IFT172: variants seen among roughly 807,000 people sequenced by gnomAD.
The protein encoded by IFT172 is intraflagellar transport 172, also known as intraflagellar transport protein 172 homolog.
IFT172 carries 164 observed loss-of-function variants against 248.9 expected under a neutral mutation model. The ratio of observed to expected loss-of-function variants is 0.66; its 90% confidence interval spans 0.58 to 0.75. IFT172 has a LOEUF of 0.75. Among genes scored for constraint, IFT172 ranks in the 30% least tolerant of loss-of-function variants. The pLI is 0.00. For synonymous variants in IFT172, 729 were observed against 791.6 expected (o/e 0.92, Z 1.33); for missense variants, 1,950 against 2,192.4 (o/e 0.89, Z 2.21).
chr2:27,459,446 C>T lies in IFT172; in HGVS notation c.2719G>A (p.Asp907Asn). The change falls in exon 25 of 48, where the codon GAC becomes AAC. Residue 907 changes from aspartate (D) to asparagine (N), a missense_variant. Coordinates refer to ENST00000260570, the MANE Select transcript of IFT172 (RefSeq NM_015662.3). ...KKAIYILDLQ[D>N]RNTASKYYPL... The stretch of plus-strand genomic sequence containing the variant: ...TAGTATTTGGATGCAGTGTTCCGGT[C>T]CTGTAGATCTAATATATAAATTGCC... The T allele has an allele frequency of 6.2e-7, 1 of 1,614,170 alleles. No individual in the cohort carries two copies. Among genetic ancestry groups the T allele is most frequent in the Middle Eastern group, 1.6e-4 (1 of 6,062 alleles).
chr2:27,461,504 A>G lies in IFT172; in HGVS notation c.2207T>C (p.Leu736Pro). Reference sequence around the variant, plus strand: ...GTAGTAACTACGACGTAGCTTCTCCAGGGCTGGGTGCCCCTGGACATGCAC... The same window carrying G: ...GTAGTAACTACGACGTAGCTTCTCCGGGGCTGGGTGCCCCTGGACATGCAC... ...AVAEAKGHPA[L>P]EKLRRSYYQW... The change falls in exon 22 of 48, where the codon CTG becomes CCG. Residue 736 changes from leucine (L) to proline (P), a missense_variant. Transcript: ENST00000260570. 6.2e-7 allele frequency: 1 copy of G among 1,614,034 alleles called. No individual in the cohort carries two copies. Among genetic ancestry groups the G allele is most frequent in the Non-Finnish European group, 8.5e-7 (1 of 1,179,936 alleles).
Position 27,446,286 on chromosome 2 carries a change from A to T in IFT172, c.4729T>A (p.Phe1577Ile). The change falls in exon 43 of 48, where the codon TTC (phenylalanine) becomes ATC (isoleucine). Residue 1577 changes from phenylalanine to isoleucine, a missense_variant. By Grantham distance (21) the Phe-to-Ile change is conservative. Coordinates refer to ENST00000260570, the MANE Select transcript of IFT172 (RefSeq NM_015662.3). ...HTQLLPVDKA[F>I]YEAGIAAKAV... Reference sequence around the variant, plus strand: ...TTGGCAGCAATGCCTGCTTCATAGAAGGCTTTGTCTACAGGTAGTAGCTGG... The same window carrying T: ...TTGGCAGCAATGCCTGCTTCATAGATGGCTTTGTCTACAGGTAGTAGCTGG... 1 of 1,614,198 alleles carries T rather than the reference A, an allele frequency of 6.2e-7. No homozygotes were observed. The highest frequency in any genetic ancestry group is 8.5e-7 in the Non-Finnish European group (1 of 1,180,020).
intron 10 of IFT172, among the ~76,000 whole-genome samples, chr2:27,479,008 CTT>C (rs1233549158): frequency 1.3e-5 from 2 of 151,966 alleles, no homozygotes; most frequent in African/African-American, 4.8e-5. Context: ...GTGCTTAAAA[CTT>C]TTCTTTTTTT....
intron 8 of IFT172, 39 bp downstream of exon 8, chr2:27,481,007 G>C: frequency 6.6e-7 from 1 of 1,518,224 alleles, no homozygotes; most frequent in Admixed American, 1.7e-5. Flanking sequence ...GTGTTCGCAG[G>C]GAAAGTAGGC....
At position 27,483,951 on chromosome 2, in the gene IFT172, A is replaced by G; in HGVS notation, c.337-14T>C. On this transcript the variant is annotated splice_polypyrimidine_tract_variant and intron_variant, in intron 4 of 47. Transcript: ENST00000260570. ...AGTGACAGCACTCTGCGTGGAAGGAAACAATGAAAAGGATAACCCCATCTG... is the reference window on the plus strand; with the variant it reads ...AGTGACAGCACTCTGCGTGGAAGGAGACAATGAAAAGGATAACCCCATCTG... The G allele has an allele frequency of 6.2e-7, 1 of 1,612,142 alleles. No homozygotes were observed. Among genetic ancestry groups the G allele is most frequent in the Non-Finnish European group, 8.5e-7 (1 of 1,178,178 alleles).
intron 42 of IFT172, 113 bp from the exon 43 acceptor site, chr2:27,446,468 C>T: frequency 1.1e-6 from 1 of 881,588 alleles, no homozygotes; most frequent in South Asian, 1.5e-5. Flanking sequence ...TATTAAACTG[C>T]TCTGGATTCT....
At chr2:27,489,522 C>T (rs1669011965) in intron 1 of IFT172, 93 bp downstream of exon 1, 1 of 916,604 alleles carries the variant, frequency 1.1e-6, no homozygotes, top group Non-Finnish European at 1.8e-6. Context: ...GCCTTCTGCA[C>T]ACAGTAGGAG....
chr2:27,485,240 A>T lies in IFT172; in HGVS notation c.184-110T>A. The T allele has an allele frequency of 2.0e-6, 3 of 1,515,628 alleles. No individual in the cohort carries two copies. The South Asian group carries it at 3.6e-5, about 18-fold the overall frequency. The allele number at this position is 1,515,628 out of a possible 1,614,324, so 93.9% of individuals were successfully genotyped here. A position where few individuals can be genotyped will look rare whatever the true frequency, so the allele number is the denominator to read the frequency against. On this transcript the variant is annotated intron_variant, in intron 2 of 47. Coordinates refer to ENST00000260570, the MANE Select transcript of IFT172 (RefSeq NM_015662.3). Reference sequence around the variant, plus strand: ...CTCCTAAGGGAGCTTGAGGATTTATACTGAGAAAAAGGTGGGGTATGCCAT... The same window carrying T: ...CTCCTAAGGGAGCTTGAGGATTTATTCTGAGAAAAAGGTGGGGTATGCCAT...
intron 25 of IFT172, 24 bp from the exon 26 acceptor site, chr2:27,458,892 C>A (rs755505605): frequency 1.1e-5 from 18 of 1,612,522 alleles, no homozygotes; most frequent in Non-Finnish European, 1.4e-5. Context: ...GAGGTAGATA[C>A]AAAAGGTCAG....
chr2:27,463,155 G>C lies in IFT172; in HGVS notation c.1964C>G (p.Ala655Gly). Residue 655 changes from alanine to glycine, a missense_variant, in exon 19 of 48, where the codon GCA becomes GGA. Physicochemically the swap from Ala to Gly is moderately conservative, Grantham distance 60. Transcript: ENST00000260570. The part of the protein sequence containing the change: ...ERCFSALGQV[A>G]KARFLHETNE... ...GGTCTCATGCAGGAATCGAGCTTTT[G>C]CTACTTGGCCCAAAGCAGAAAAGCA... 1.9e-6 allele frequency: 3 copies of C among 1,614,116 alleles called. No homozygotes were observed. The East Asian group carries it at 6.7e-5, about 36-fold the overall frequency.
Position 27,454,209 on chromosome 2 carries a change from C to A in IFT172, c.3531-47G>T. 6.2e-7 allele frequency: 1 copy of A among 1,601,912 alleles called. No individual in the cohort carries two copies. Among genetic ancestry groups the A allele is most frequent in the Non-Finnish European group, 8.5e-7 (1 of 1,171,358 alleles). On this transcript the variant is annotated intron_variant, in intron 32 of 47. Transcript: ENST00000260570. This position sits in a 1 kb window ranked among gnomAD's most constrained non-coding sequence, Gnocchi z 4.2. ...GGAGAGACTGAGTATAGGACTGAGG[C>A]CCCAATAGTGGGAGACAAACAGCCA...
intron 18 of IFT172, among the ~76,000 whole-genome samples, chr2:27,463,502 T>C (rs1196872136): frequency 6.6e-6 from 1 of 151,790 alleles, no homozygotes; most frequent in African/African-American, 2.4e-5. Flanking sequence ...CTTAAAACAT[T>C]ATGAGATTTT....
Position 27,448,973 on chromosome 2 carries a change from C to T in IFT172, c.4370G>A (p.Gly1457Asp), listed in dbSNP as rs142312837. Reference sequence around the variant, plus strand: ...CAGGGCCAATGCCTGGGCAGAGCTACCCTCCCGGATCAAGTGAGTTGCATA... The same window carrying T: ...CAGGGCCAATGCCTGGGCAGAGCTATCCTCCCGGATCAAGTGAGTTGCATA... ...ALYATHLIRE[G>D]SSAQALALYV... The change falls in exon 40 of 48, where the codon GGT becomes GAT. Residue 1457 changes from glycine (G) to aspartate (D), a missense_variant. Coordinates refer to ENST00000260570, the MANE Select transcript of IFT172 (RefSeq NM_015662.3). 6.0e-5 allele frequency: 97 copies of T among 1,612,512 alleles called. No individual in the cohort carries two copies. Among genetic ancestry groups the T allele is most frequent in the Non-Finnish European group, 7.4e-5 (87 of 1,178,620 alleles).
intron 35 of IFT172, among the ~76,000 whole-genome samples, chr2:27,451,846 G>A (rs1352563814): frequency 6.6e-6 from 1 of 151,952 alleles, no homozygotes; most frequent in Non-Finnish European, 1.5e-5. Flanking sequence ...ATCACCATAC[G>A]AATATGTCAT....
intron 39 of IFT172, 118 bp from the exon 40 acceptor site, chr2:27,449,149 C>T (rs1016223182): frequency 5.1e-6 from 6 of 1,179,956 alleles, no homozygotes; most frequent in Non-Finnish European, 6.3e-6. Context: ...ACCTCTGACC[C>T]CAGTTTCAGA....
intron 33 of IFT172, 74 bp from the exon 34 acceptor site, chr2:27,453,813 C>A: frequency 1.4e-6 from 2 of 1,443,102 alleles, no homozygotes; most frequent in Non-Finnish European, 9.6e-7. Flanking sequence ...GGTACTCTGG[C>A]CCACAGACTC....
Position 27,454,136 on chromosome 2 carries a change from G to A in IFT172, c.3557C>T (p.Ala1186Val). The change falls in exon 33 of 48, where the codon GCA becomes GTA. Residue 1186 changes from alanine to valine, a missense_variant. By Grantham distance (64) the Ala-to-Val change is moderately conservative (BLOSUM62 0). This residue lies in a region of IFT172 where 164 missense variants were observed against 239.3 expected (regional missense o/e 0.69). Coordinates refer to ENST00000260570, the MANE Select transcript of IFT172 (RefSeq NM_015662.3). This position sits in a 1 kb window ranked among gnomAD's most constrained non-coding sequence, Gnocchi z 4.2. ...GTGAGCCTCAGCCACACGCTGAGCT[G>A]CCTCCCAATCCTGGTTATGGACAAA... ...LMFVHNQDWEAAQRVAEAHDP... is the reference protein window; with the variant it reads ...LMFVHNQDWEVAQRVAEAHDP... 6.2e-7 allele frequency: 1 copy of A among 1,613,372 alleles called. No individual in the cohort carries two copies. The highest frequency in any genetic ancestry group is 8.5e-7 in the Non-Finnish European group (1 of 1,179,650).
intron 40 of IFT172, 60 bp from the exon 41 acceptor site, chr2:27,447,982 G>T: frequency 9.6e-7 from 1 of 1,046,780 alleles, no homozygotes; most frequent in Non-Finnish European, 1.5e-6. Flanking sequence ...AAAGTCACTG[G>T]AAGTGGGGCC....
Position 27,461,528 on chromosome 2 carries a change from A to G in IFT172, c.2194-11T>C. ...CAGGGCTGGGTGCCCCTGGACATGCACAGAGGACAACTAGGAGTCACATCC... is the reference window on the plus strand; with the variant it reads ...CAGGGCTGGGTGCCCCTGGACATGCGCAGAGGACAACTAGGAGTCACATCC... On this transcript the variant is annotated splice_polypyrimidine_tract_variant and intron_variant, in intron 21 of 47. Coordinates refer to ENST00000260570, the MANE Select transcript of IFT172 (RefSeq NM_015662.3). 1 of 1,612,882 alleles carries G rather than the reference A, an allele frequency of 6.2e-7. No homozygotes were observed. The highest frequency in any genetic ancestry group is 8.5e-7 in the Non-Finnish European group (1 of 1,179,018).
Sources: allele counts gnomAD v4.1 joint callset (sites outside exome capture counted in the v4.1 genomes callset), GRCh38; gene constraint gnomAD v4.1.1; regional missense constraint gnomAD v4.1.1; non-coding constraint Gnocchi (gnomAD v3.1); transcripts MANE v1.5; gene names NCBI Gene and HGNC (gene_info 2026-07-23, HGNC 2026-07-21).